Variants in ARFRP1 observed in about 807,000 individuals in gnomAD.
ARFRP1 encodes the protein ARF related protein 1.
A neutral mutation model predicts 30.3 loss-of-function variants in ARFRP1; 19 were observed. The ratio of observed to expected loss-of-function variants is 0.63; its 90% CI spans 0.44 to 0.92. The LOEUF (loss-of-function observed/expected upper bound fraction) is 0.92, where lower values mean the gene tolerates loss of function less well. Ranked by LOEUF, ARFRP1 falls within the 40% of genes least tolerant of loss-of-function variation. ARFRP1 has a pLI of 0.00. For synonymous variants in ARFRP1, 133 were observed against 114.2 expected (o/e 1.16, Z -1.05); for missense variants, 245 against 267.5 (o/e 0.92, Z 0.59).
intron 6 of ARFRP1, 41 bp downstream of exon 6, chr20:63,701,789 G>A (rs1030399290): frequency 1.3e-5 from 20 of 1,539,460 alleles, no homozygotes; most frequent in Middle Eastern, 1.8e-4. Flanking sequence ...GGGAGGCTGG[G>A]GACTCGGGAA....
intron 4 of ARFRP1, chr20:63,702,506 A>C: frequency 2.4e-6 from 1 of 409,044 alleles, no homozygotes; most frequent in Non-Finnish European, 4.5e-6. Context: ...TTATCCCAAC[A>C]CTTTGGGAGG....
rs1012551004 is a variant in ARFRP1, at chr20:63,699,685, C to T, written c.*758G>A. ...GGGGACACAGGGCCCCACAGAGAACCCCTCCGGGAGGTTCTCTCCTGGCTG... is the reference window on the plus strand; with the variant it reads ...GGGGACACAGGGCCCCACAGAGAACTCCTCCGGGAGGTTCTCTCCTGGCTG... On this transcript the variant is annotated 3_prime_UTR_variant, in exon 8 of 8. Transcript: ENST00000622789. 6.5e-6 allele frequency: 1 copy of T among 153,056 alleles called. No individual in the cohort carries two copies. Among genetic ancestry groups the T allele is most frequent in the African/African-American group, 2.4e-5 (1 of 41,426 alleles). The allele number at this position is 153,056 out of a possible 1,614,324, so 9.5% of individuals were successfully genotyped here. A position where few individuals can be genotyped will look rare whatever the true frequency, so the allele number is the denominator to read the frequency against.
intron 5 of ARFRP1, 81 bp from the exon 6 acceptor site, chr20:63,701,981 T>A: frequency 7.9e-7 from 1 of 1,262,852 alleles, no homozygotes; most frequent in Non-Finnish European, 1.1e-6. Context: ...GTGGACACTG[T>A]GACAGCCACT....
rs573496042 is a variant in ARFRP1 at position 63,700,240 on chromosome 20, G to A, written c.*203C>T. 1.6e-4 allele frequency: 117 copies of A among 737,202 alleles called. No individual in the cohort carries two copies. The African/African-American group carries it at 1.8e-3, about 11-fold the overall frequency. 45.7% of individuals were successfully genotyped at this position (737,202 alleles called of 1,614,324 possible). ...TGCCGCTGCAGGGCCTGGGCCAGCC[G>A]GGCTGCCAGACTCCCCTCCAAAGCC... On this transcript the variant is annotated 3_prime_UTR_variant, in exon 8 of 8. Transcript: ENST00000622789.
chr20:63,701,883 C>CGCTGGTCACCACCTTCTCTGGGGAG lies in ARFRP1; in HGVS notation c.347-8_363dup (p.Glu122LeufsTer33). The CGCTGGTCACCACCTTCTCTGGGGAG allele has an allele frequency of 6.5e-7, 1 of 1,550,188 alleles. No individual in the cohort carries two copies. ...AAGACGGGGACACCGCACAGCGCCTCGCTGGTCACCACCTTCTCTGGGGAG... is the reference window on the plus strand; with the variant it reads ...AAGACGGGGACACCGCACAGCGCCTCGCTGGTCACCACCTTCTCTGGGGAGGCTGGTCACCACCTTCTCTGGGGAG... On this transcript the variant is annotated frameshift_variant, in exon 6 of 8. Transcript: ENST00000622789. LOFTEE classifies it high-confidence loss of function.
intron 4 of ARFRP1, chr20:63,703,713 G>C (rs1271080252): frequency 6.6e-6 from 1 of 152,302 alleles, no homozygotes; most frequent in Non-Finnish European, 1.5e-5. Flanking sequence ...TGAGCAGGGT[G>C]GCAGAAGGTT....
Position 63,698,908 on chromosome 20 carries a change from G to A in ARFRP1, c.*1535C>T, listed in dbSNP as rs2091053800. The A allele has an allele frequency of 9.6e-6, 2 of 208,662 alleles. No homozygotes were observed. The highest frequency in any genetic ancestry group is 4.6e-5 in the African/African-American group (2 of 43,502). The allele number at this position is 208,662 out of a possible 1,614,324, so 12.9% of individuals were successfully genotyped here. On this transcript the variant is annotated 3_prime_UTR_variant, in exon 8 of 8. Transcript: ENST00000622789. ...GCTCAGCGAGGGTCAGGGCCTGGGA[G>A]GGTATCATTGCTGGAAGAACAGGAT...
At chr20:63,706,335 G>A (rs1162041037) in intron 4 of ARFRP1, 22 bp downstream of exon 4, 2 of 1,605,724 alleles carry the variant, frequency 1.2e-6, no homozygotes, top group Non-Finnish European at 8.5e-7. Context: ...GGGTGGGGGT[G>A]GTCCTGGCCA....
chr20:63,706,827 G>A (rs1568772098), intron 2 of ARFRP1, 89 bp from the exon 3 acceptor site: 2 of 1,298,942 alleles, frequency 1.5e-6, no homozygotes, highest in South Asian at 2.4e-5. Flanking sequence ...TTAAAAGACA[G>A]AAACAGAAAC....
chr20:63,701,344 G>C lies in ARFRP1; in HGVS notation c.417+486C>G, dbSNP rs747991021. ...CAAAGCCACTCCAAGAGAACAGCTA[G>C]AACTCAGCGTGGCCAGTGCTCCCGG... is the stretch of plus-strand genomic sequence containing the variant. On this transcript the variant is annotated intron_variant, in intron 6 of 7. Coordinates refer to ENST00000622789, the MANE Select transcript of ARFRP1 (RefSeq NM_001267547.3). 33 of 535,954 alleles carry C rather than the reference G, an allele frequency of 6.2e-5. 1 individual carries two copies. In the Middle Eastern group the frequency reaches 9.4e-4, roughly 15 times the overall value. 33.2% of individuals were successfully genotyped at this position (535,954 alleles called of 1,614,324 possible).
intron 4 of ARFRP1, chr20:63,705,838 G>C: frequency 8.1e-6 from 4 of 494,918 alleles, no homozygotes; most frequent in South Asian, 6.0e-5. Flanking sequence ...TGGCCAGCGA[G>C]GTTGCCCTTA....
chr20:63,706,785 G>A (rs367553301), intron 2 of ARFRP1, 47 bp from the exon 3 acceptor site: 75 of 1,472,914 alleles, frequency 5.1e-5, no homozygotes, highest in Non-Finnish European at 6.6e-5. Context: ...GGGCTATACT[G>A]GCTTCCAAAT....
chr20:63,700,764 C>T (rs1010346972), intron 6 of ARFRP1, 62 bp from the exon 7 acceptor site: 18 of 1,578,216 alleles, frequency 1.1e-5, no homozygotes, highest in East Asian at 4.6e-5. Flanking sequence ...CCTGTGGGCC[C>T]GGGACTCTCA....
At chr20:63,706,977 G>T in intron 2 of ARFRP1, 22 bp downstream of exon 2, 1 of 1,612,440 alleles carries the variant, frequency 6.2e-7, no homozygotes, top group South Asian at 1.1e-5. Context: ...GGAAAGGTGC[G>T]CGCAAGGGCG....
At chr20:63,706,921 C>G (rs936924646) in intron 2 of ARFRP1, 78 bp downstream of exon 2, 57 of 1,537,702 alleles carry the variant, frequency 3.7e-5, no homozygotes, top group Non-Finnish European at 5.0e-5. Flanking sequence ...GGGTAGTGAA[C>G]GTGCAGCTGA....
chr20:63,698,717 G>A lies in ARFRP1; in HGVS notation c.*1726C>T, dbSNP rs1473634815. On this transcript the variant is annotated 3_prime_UTR_variant, in exon 8 of 8. Transcript: ENST00000622789. ...TAGTTGCACAGCTACTGGGAGGGCA[G>A]CCGGGGACACCTGAGCCGCCCGCTG... The A allele has an allele frequency of 6.2e-6, 6 of 973,256 alleles. No homozygotes were observed. Among genetic ancestry groups the A allele is most frequent in the Non-Finnish European group, 8.4e-6 (6 of 715,186 alleles). The allele number at this position is 973,256 out of a possible 1,614,324, so 60.3% of individuals were successfully genotyped here.
Position 63,702,161 on chromosome 20 carries a change from C to T in ARFRP1, c.321G>A (p.Arg107=), listed in dbSNP as rs146508634. 6 of 1,611,804 alleles carry T rather than the reference C, an allele frequency of 3.7e-6. No homozygotes were observed. The African/African-American group carries it at 8.0e-5, about 22-fold the overall frequency. ...CAAACGCCTGCTTGGACTCAGCCAG[C>T]CTCTCCTCGTCGGTGGAGTCAATGA... ...IYVIDSTDEE[R]LAESKQAFEK... The change falls in exon 5 of 8, where the codon AGG becomes AGA. Residue 107 remains arginine, a synonymous_variant. Coordinates refer to ENST00000622789, the MANE Select transcript of ARFRP1 (RefSeq NM_001267547.3).
Position 63,700,442 on chromosome 20 carries a change from C to A in ARFRP1, c.*1G>T. 1 of 1,608,346 alleles carries A rather than the reference C, an allele frequency of 6.2e-7. No homozygotes were observed. The highest frequency in any genetic ancestry group is 8.5e-7 in the Non-Finnish European group (1 of 1,179,776). ...CCGTCCCGACGGCAGCGCGGCTGCG[C>A]CTACGTGATGTCCCTCTGCCGCGGC... is the stretch of plus-strand genomic sequence containing the variant. On this transcript the variant is annotated 3_prime_UTR_variant, in exon 8 of 8. Transcript: ENST00000622789.
At position 63,700,197 on chromosome 20, in the gene ARFRP1, T is replaced by C. The variant is rs570262974; in HGVS notation, c.*246A>G. 6.4e-4 allele frequency: 358 copies of C among 555,656 alleles called. No individual in the cohort carries two copies. Among genetic ancestry groups the C allele is most frequent in the African/African-American group, 5.9e-3 (313 of 52,776 alleles). 34.4% of individuals were successfully genotyped at this position (555,656 alleles called of 1,614,324 possible). On this transcript the variant is annotated 3_prime_UTR_variant, in exon 8 of 8. Transcript: ENST00000622789. ...AGAAAGGGCCTCGAAAGGCCGCCGC[T>C]GCGCCCTGTGGAAAGGCTGCCGCTG...
Sources: gnomAD v4.1 joint callset for allele counts on GRCh38, gnomAD v4.1.1 for gene constraint, MANE v1.5 for transcripts, NCBI Gene and HGNC (gene_info 2026-07-23, HGNC 2026-07-21) for gene names.